Variants in ADAM12 observed in about 807,000 individuals in gnomAD.
ADAM12 encodes the protein disintegrin and metalloproteinase domain-containing protein 12.
A neutral mutation model predicts 106.4 loss-of-function variants in ADAM12; 70 were observed. The observed-to-expected ratio is 0.66, with a 90% CI of 0.54 to 0.80. ADAM12 has a LOEUF of 0.80. Ranked by LOEUF, ADAM12 falls within the 30% of genes least tolerant of loss-of-function variation. ADAM12 has a pLI of 0.00. For synonymous variants in ADAM12, 420 were observed against 433.5 expected (o/e 0.97, Z 0.39); for missense variants, 1,010 against 1,171.9 (o/e 0.86, Z 2.02).
chr10:126,199,491 G>A (rs1383146877), intron 3 of ADAM12, among the ~76,000 whole-genome samples: 2 of 152,124 alleles, frequency 1.3e-5, no homozygotes, highest in African/African-American at 4.8e-5. Flanking sequence ...CAGCTAATGC[G>A]TTGGGATTCT....
chr10:126,383,002 C>T (rs570670447), intron 1 of ADAM12, among the ~76,000 whole-genome samples: 7 of 152,250 alleles, frequency 4.6e-5, no homozygotes, highest in South Asian at 2.1e-4. Context: ...TGGAGTAGCA[C>T]GGCATGATCA....
intron 12 of ADAM12, among the ~76,000 whole-genome samples, chr10:126,068,567 C>T (rs1954920770): frequency 6.6e-6 from 1 of 152,206 alleles, no homozygotes; most frequent in Non-Finnish European, 1.5e-5. Flanking sequence ...CTTTCCCAAT[C>T]CTGTTAGCTG....
At chr10:126,312,182 A>C (rs1452881573) in intron 2 of ADAM12, among the ~76,000 whole-genome samples, 1 of 151,544 alleles carries the variant, frequency 6.6e-6, no homozygotes, top group Non-Finnish European at 1.5e-5. Flanking sequence ...AGTGAAGTAT[A>C]AGCGTCAAGA....
intron 2 of ADAM12, among the ~76,000 whole-genome samples, chr10:126,286,877 T>C (rs1959890287): frequency 6.6e-6 from 1 of 152,222 alleles, no homozygotes; most frequent in South Asian, 2.1e-4. Flanking sequence ...GCATGTATTA[T>C]CCTTAGGTTT....
At chr10:126,080,803 G>A (rs1044070780) in intron 11 of ADAM12, among the ~76,000 whole-genome samples, 1 of 152,124 alleles carries the variant, frequency 6.6e-6, no homozygotes, top group African/African-American at 2.4e-5. Flanking sequence ...CACCATAAAG[G>A]CAGTCACAGC....
At position 126,017,258 on chromosome 10, in the gene ADAM12, T is replaced by C. The variant is rs1291879122; in HGVS notation, c.*21A>G. Reference sequence around the variant, plus strand: ...ATAGTGCAAACTTCTGTCTTCACTGTTGAAAAAAGGTGTCGGCTTCTCACT... The same window carrying C: ...ATAGTGCAAACTTCTGTCTTCACTGCTGAAAAAAGGTGTCGGCTTCTCACT... On this transcript the variant is annotated 3_prime_UTR_variant, in exon 23 of 23. Transcript: ENST00000448723. 4 of 1,578,492 alleles carry C rather than the reference T, an allele frequency of 2.5e-6. No individual in the cohort carries two copies. The highest frequency in any genetic ancestry group is 3.4e-6 in the Non-Finnish European group (4 of 1,160,412).
chr10:126,121,300 G>T (rs1264799952), intron 5 of ADAM12, among the ~76,000 whole-genome samples: 1 of 109,318 alleles, frequency 9.1e-6, no homozygotes, highest in Non-Finnish European at 1.7e-5. Context: ...TATTATACAT[G>T]TAATATATAT....
intron 1 of ADAM12, among the ~76,000 whole-genome samples, chr10:126,379,500 A>G (rs1034063581): frequency 6.6e-6 from 1 of 152,064 alleles, no homozygotes; most frequent in Non-Finnish European, 1.5e-5. Flanking sequence ...ATGAGAACAC[A>G]TGGACATAGG....
chr10:126,058,490 C>T (rs1245704718), intron 14 of ADAM12, among the ~76,000 whole-genome samples: 3 of 152,176 alleles, frequency 2.0e-5, no homozygotes, highest in Non-Finnish European at 4.4e-5. Context: ...AAAAGACAGA[C>T]GTTTTACTTC....
intron 2 of ADAM12, among the ~76,000 whole-genome samples, chr10:126,281,507 C>G (rs765038958): frequency 6.6e-6 from 1 of 152,180 alleles, no homozygotes; most frequent in Non-Finnish European, 1.5e-5. Context: ...ATGTCAACAT[C>G]TTGCAGAAGA....
At chr10:126,121,057 C>T (rs1329632348) in intron 5 of ADAM12, among the ~76,000 whole-genome samples, 1 of 101,892 alleles carries the variant, frequency 9.8e-6, no homozygotes, top group Non-Finnish European at 1.8e-5. Context: ...ATATTATATG[C>T]AATATAATTA....
intron 2 of ADAM12, among the ~76,000 whole-genome samples, chr10:126,313,141 C>T (rs1407814724): frequency 6.6e-6 from 1 of 152,126 alleles, no homozygotes; most frequent in Admixed American, 6.5e-5. Flanking sequence ...ATGAAAGGAC[C>T]CACTGCAAGA....
At chr10:126,251,711 G>A (rs1164617531) in intron 3 of ADAM12, among the ~76,000 whole-genome samples, 1 of 152,136 alleles carries the variant, frequency 6.6e-6, no homozygotes, top group East Asian at 1.9e-4. Context: ...TGGATAGGAT[G>A]GATGGATAGG....
chr10:126,362,261 G>A (rs995585128), intron 1 of ADAM12, among the ~76,000 whole-genome samples: 2 of 152,072 alleles, frequency 1.3e-5, no homozygotes, highest in Non-Finnish European at 2.9e-5. Context: ...TGTCAGAATG[G>A]CCATTATCAA....
chr10:126,160,849 G>T (rs1186322718), intron 3 of ADAM12, among the ~76,000 whole-genome samples: 1 of 152,194 alleles, frequency 6.6e-6, no homozygotes, highest in Non-Finnish European at 1.5e-5. Flanking sequence ...ACTGGCCTCT[G>T]GTTGGTTCTA....
In ADAM12 at chr10:126,015,958, A is replaced by G. The variant is rs970364365; in HGVS notation, c.*1321T>C. ...AGTTCAAGGGGATGCTGCCCAAGCC[A>G]GCATCTCATAATATTTAGGAAGTTG... On this transcript the variant is annotated 3_prime_UTR_variant, in exon 23 of 23. Coordinates refer to ENST00000448723, the MANE Select transcript of ADAM12 (RefSeq NM_001288973.2). The G allele has an allele frequency of 6.6e-6, 1 of 152,192 alleles. No individual in the cohort carries two copies. The highest frequency in any genetic ancestry group is 2.4e-5 in the African/African-American group (1 of 41,452). The allele number at this position is 152,192 out of a possible 1,614,324, so 9.4% of individuals were successfully genotyped here.
intron 3 of ADAM12, among the ~76,000 whole-genome samples, chr10:126,218,352 A>G (rs1419497026): frequency 6.6e-6 from 1 of 152,164 alleles, no homozygotes; most frequent in African/African-American, 2.4e-5. Context: ...CAACTCACCA[A>G]GGTAGGTATT....
At chr10:126,353,593 A>T (rs1160673845) in intron 1 of ADAM12, among the ~76,000 whole-genome samples, 1 of 152,230 alleles carries the variant, frequency 6.6e-6, no homozygotes, top group Admixed American at 6.5e-5. Context: ...TAGTTTGCTG[A>T]GTATCTCAAC....
chr10:126,377,433 C>CT (rs1447281034), intron 1 of ADAM12, among the ~76,000 whole-genome samples: 1 of 152,136 alleles, frequency 6.6e-6, no homozygotes, highest in African/African-American at 2.4e-5. Flanking sequence ...AAAATGTAGG[C>CT]TGGGAGGCTA....
Sources: gnomAD v4.1 joint callset for allele counts (sites outside exome capture counted in the v4.1 genomes callset) on GRCh38, gnomAD v4.1.1 for gene constraint, MANE v1.5 for transcripts, NCBI Gene and HGNC (gene_info 2026-07-23, HGNC 2026-07-21) for gene names.